DTNA: variants seen among roughly 807,000 people sequenced by gnomAD.
DTNA encodes the protein dystrophin-related protein 3.
A neutral mutation model predicts 100.7 loss-of-function variants in DTNA; 43 were observed. That is an observed-to-expected ratio of 0.43 (90% confidence interval 0.33 to 0.55). DTNA has a LOEUF of 0.55. Ranked by LOEUF, DTNA falls within the 20% of genes least tolerant of loss-of-function variation. The pLI is 0.04. For missense variants in DTNA, 798 were observed against 953.9 expected (o/e 0.84, Z 2.15); for synonymous variants, 349 against 347.9 (o/e 1.00, Z -0.04).
In DTNA at chr18:34,815,957, C is replaced by G; in HGVS notation, c.652C>G (p.Pro218Ala). Residue 218 changes from proline to alanine, a missense_variant, in exon 7 of 23, where the codon CCC (proline) becomes GCC (alanine). By Grantham distance (27) the Pro-to-Ala change is conservative (BLOSUM62 -1). Transcript: ENST00000444659. ...GFLDTLMSDP[P>A]PQCLVWLPLL... Reference sequence around the variant, plus strand: ...CTTGGACACGCTTATGTCAGATCCTCCCCCGCAGTGTCTGGTCTGGTTGCC... The same window carrying G: ...CTTGGACACGCTTATGTCAGATCCTGCCCCGCAGTGTCTGGTCTGGTTGCC... 6.2e-7 allele frequency: 1 copy of G among 1,613,790 alleles called. No individual in the cohort carries two copies. The highest frequency in any genetic ancestry group is 8.5e-7 in the Non-Finnish European group (1 of 1,179,800).
chr18:34,757,585 G>A (rs2092866739), intron 2 of DTNA, among the ~76,000 whole-genome samples: 1 of 152,136 alleles, frequency 6.6e-6, no homozygotes, highest in East Asian at 1.9e-4. Flanking sequence ...AAGTATCCCA[G>A]TGCTTTCTGA....
chr18:34,728,296 C>A lies in DTNA; in HGVS notation c.-2+17851C>A, dbSNP rs571401423. Among the ~76,000 whole-genome samples the A allele has an allele frequency of 2.0e-5, 3 of 152,156 alleles. No individual in the cohort carries two copies. The South Asian group carries it at 6.2e-4, about 32-fold the overall frequency. On this transcript the variant is annotated intron_variant, in intron 1 of 22. Coordinates refer to ENST00000444659, the MANE Select transcript of DTNA (RefSeq NM_001386795.1). Reference sequence around the variant, plus strand: ...CAAAGAAAGGACAAAAAACAAGGCCCACTTCTTAGTTTATGAAAAGCAGTA... The same window carrying A: ...CAAAGAAAGGACAAAAAACAAGGCCAACTTCTTAGTTTATGAAAAGCAGTA...
chr18:34,593,125 T>A (rs1325682826), intron 1 of DTNA, among the ~76,000 whole-genome samples: 1 of 152,296 alleles, frequency 6.6e-6, no homozygotes, highest in Admixed American at 6.5e-5. Flanking sequence ...GTTTCCGTAA[T>A]ATCCGTCAAT....
intron 1 of DTNA, chr18:34,663,129 A>C (rs1263857526): frequency 6.6e-6 from 1 of 152,030 alleles, no homozygotes; most frequent in African/African-American, 2.4e-5. Context: ...TGGGAGTGTA[A>C]ATGACGTTAT....
intron 1 of DTNA, among the ~76,000 whole-genome samples, chr18:34,632,637 T>A (rs902561614): frequency 4.6e-5 from 7 of 152,182 alleles, no homozygotes; most frequent in Admixed American, 1.3e-4. Flanking sequence ...AACTGTAGCT[T>A]ATCCTAATTG....
intron 6 of DTNA, among the ~76,000 whole-genome samples, chr18:34,813,819 G>C (rs1406349218): frequency 7.0e-6 from 1 of 142,344 alleles, no homozygotes; most frequent in African/African-American, 2.6e-5. Flanking sequence ...TCCAGCCTGG[G>C]AGACAAAGCA....
intron 1 of DTNA, among the ~76,000 whole-genome samples, chr18:34,659,633 G>GACAC (rs58171317): frequency 1.7e-3 from 248 of 146,976 alleles, no homozygotes; most frequent in African/African-American, 5.5e-3. Flanking sequence ...GACACACACA[G>GACAC]ACACACACAC....
At chr18:34,600,823 T>C (rs1346938312) in intron 1 of DTNA, among the ~76,000 whole-genome samples, 1 of 152,252 alleles carries the variant, frequency 6.6e-6, no homozygotes, top group African/African-American at 2.4e-5. Context: ...TTCAGTGACA[T>C]ATAGAAACCA....
chr18:34,821,042 T>C, intron 9 of DTNA, 127 bp downstream of exon 9: 1 of 1,351,516 alleles, frequency 7.4e-7, no homozygotes, highest in Non-Finnish European at 1.0e-6. Context: ...AAAAAAAAAG[T>C]CAGAGTAATG....
chr18:34,540,223 T>C (rs1316116353), intron 1 of DTNA, among the ~76,000 whole-genome samples: 2 of 151,938 alleles, frequency 1.3e-5, no homozygotes, highest in African/African-American at 4.8e-5. Flanking sequence ...AAAAATAATT[T>C]GGCAGAGATC....
At chr18:34,654,609 A>G (rs1301256062) in intron 1 of DTNA, among the ~76,000 whole-genome samples, 1 of 152,176 alleles carries the variant, frequency 6.6e-6, no homozygotes, top group Admixed American at 6.5e-5. Flanking sequence ...CATACCTCAT[A>G]TGGGTACATT....
intron 1 of DTNA, among the ~76,000 whole-genome samples, chr18:34,594,143 GA>G (rs35934512): frequency 2.5e-3 from 355 of 143,262 alleles, no homozygotes; most frequent in South Asian, 3.6e-3. Context: ...CCTCCTTCAG[GA>G]AAAAAAAAAA....
chr18:34,497,684 TAA>T (rs1178125574), intron 1 of DTNA, among the ~76,000 whole-genome samples: 5 of 144,862 alleles, frequency 3.5e-5, no homozygotes, highest in Admixed American at 1.4e-4. Context: ...TTCCATTGTT[TAA>T]AAAAAAAAAA....
chr18:34,568,496 C>T (rs180776207), intron 1 of DTNA, among the ~76,000 whole-genome samples: 24 of 152,260 alleles, frequency 1.6e-4, no homozygotes, highest in African/African-American at 5.8e-4. Context: ...TATTTTCTAT[C>T]CTCTATCCTC....
At chr18:34,863,928 T>C in intron 16 of DTNA, 38 bp from the exon 17 acceptor site, 2 of 1,568,326 alleles carry the variant, frequency 1.3e-6, no homozygotes, top group East Asian at 2.3e-5. Flanking sequence ...GCTCAGAGAG[T>C]TGCATGCCGC....
Position 34,729,261 on chromosome 18 carries a change from A to C in DTNA, c.-2+18816A>C, listed in dbSNP as rs1274234925. ...AAAAACAAGTTATTTGCTCAAGTAC[A>C]TGCAGGTAGTACCTGGCAGCAAGGA... is the stretch of plus-strand genomic sequence containing the variant. On this transcript the variant is annotated intron_variant, in intron 1 of 22. Coordinates refer to ENST00000444659, the MANE Select transcript of DTNA (RefSeq NM_001386795.1). 2.6e-5 allele frequency among the ~76,000 whole-genome samples: 4 copies of C among 152,246 alleles called. No homozygotes were observed. The East Asian group carries it at 7.7e-4, about 29-fold the overall frequency.
intron 11 of DTNA, among the ~76,000 whole-genome samples, chr18:34,836,716 T>G (rs1010146170): frequency 7.2e-5 from 11 of 152,144 alleles, no homozygotes; most frequent in Admixed American, 2.0e-4. Flanking sequence ...CAGCAATACT[T>G]TATATAACAG....
intron 1 of DTNA, among the ~76,000 whole-genome samples, chr18:34,692,027 C>T (rs186580030): frequency 5.8e-4 from 88 of 152,270 alleles, no homozygotes; most frequent in South Asian, 6.2e-4. Flanking sequence ...ATCACAGCAC[C>T]ATATCTTAGC....
At chr18:34,860,708 G>A (rs549674455) in intron 16 of DTNA, among the ~76,000 whole-genome samples, 1 of 152,272 alleles carries the variant, frequency 6.6e-6, no homozygotes, top group South Asian at 2.1e-4. Flanking sequence ...CAACGATCAT[G>A]TTTCCCTTTC....
Sources: allele counts gnomAD v4.1 joint callset (sites outside exome capture counted in the v4.1 genomes callset), GRCh38; gene constraint gnomAD v4.1.1; transcripts MANE v1.5; gene names NCBI Gene and HGNC (gene_info 2026-07-23, HGNC 2026-07-21).